Variants in EYA1 observed in about 807,000 individuals in gnomAD.
EYA1 encodes the protein EYA transcriptional coactivator and phosphatase 1, also known as protein phosphatase EYA1.
Under a neutral mutation model 82.0 loss-of-function variants are expected in EYA1, and 16 were observed. The ratio of observed to expected loss-of-function variants is 0.20; its 90% CI spans 0.13 to 0.30. EYA1 has a LOEUF of 0.30. Among genes scored for constraint, EYA1 ranks in the 10% least tolerant of loss-of-function variants. EYA1 has a pLI of 1.00. For missense variants in EYA1, 633 were observed against 730.7 expected (o/e 0.87, Z 1.54); for synonymous variants, 261 against 264.4 (o/e 0.99, Z 0.12).
At chr8:71,495,032 T>C (rs1811311578) in intron 2 of EYA1, among the ~76,000 whole-genome samples, 1 of 151,782 alleles carries the variant, frequency 6.6e-6, no homozygotes, top group African/African-American at 2.4e-5. Flanking sequence ...TTGCAAAACA[T>C]ACTCAGGCAA....
intron 1 of EYA1, among the ~76,000 whole-genome samples, chr8:71,545,816 TC>T (rs1011288459): frequency 1.3e-5 from 2 of 152,052 alleles, no homozygotes; most frequent in Admixed American, 1.3e-4. Flanking sequence ...CACCTCCACC[TC>T]CCAAAGTGAT....
At chr8:71,502,759 G>A (rs1313515058) in intron 2 of EYA1, among the ~76,000 whole-genome samples, 1 of 152,156 alleles carries the variant, frequency 6.6e-6, no homozygotes, top group African/African-American at 2.4e-5. Context: ...TAACAGCCTT[G>A]ACTACCACCC....
intron 12 of EYA1, among the ~76,000 whole-genome samples, chr8:71,227,861 G>A (rs538945989): frequency 1.3e-5 from 2 of 152,232 alleles, no homozygotes; most frequent in South Asian, 4.1e-4. Flanking sequence ...AGGGGTGAGA[G>A]TGGGGTTGAA....
intron 4 of EYA1, among the ~76,000 whole-genome samples, chr8:71,332,365 C>A (rs915459447): frequency 6.6e-6 from 1 of 152,116 alleles, no homozygotes. Context: ...AGTCAACATG[C>A]CCAAAACTGA....
intron 2 of EYA1, among the ~76,000 whole-genome samples, chr8:71,454,234 A>G (rs947444354): frequency 3.9e-5 from 6 of 152,222 alleles, no homozygotes; most frequent in African/African-American, 1.4e-4. Flanking sequence ...TGCTAAATAT[A>G]TATGCACTCA....
rs117055527 is a variant in EYA1, at chr8:71,250,337, G to A, written c.1051-5645C>T. On this transcript the variant is annotated intron_variant, in intron 11 of 17. Coordinates refer to ENST00000340726, the MANE Select transcript of EYA1 (RefSeq NM_000503.6). ...ATCTGTCCACACAGGTTCATGAACC[G>A]TGGTCTCAGATGGAGCCTGTACACT... 2.8e-3 allele frequency among the ~76,000 whole-genome samples: 427 copies of A among 152,282 alleles called. 10 individuals carry two copies. In the East Asian group the frequency reaches 0.05, roughly 18 times the overall value.
intron 12 of EYA1, among the ~76,000 whole-genome samples, chr8:71,218,830 G>A (rs558601853): frequency 2.0e-5 from 3 of 151,982 alleles, no homozygotes; most frequent in African/African-American, 4.8e-5. Flanking sequence ...CGTTGGGGGT[G>A]GGGGGAGAGG....
At position 71,269,972 on chromosome 8, in the gene EYA1, G is replaced by A. The variant is rs1305768080; in HGVS notation, c.967-149C>T. 3 of 692,888 alleles carry A rather than the reference G, an allele frequency of 4.3e-6. No individual in the cohort carries two copies. In the African/African-American group the frequency reaches 5.3e-5, roughly 12 times the overall value. The allele number at this position is 692,888 out of a possible 1,614,324, so 42.9% of individuals were successfully genotyped here. A position where few individuals can be genotyped will look rare whatever the true frequency, so the allele number is the denominator to read the frequency against. On this transcript the variant is annotated intron_variant, in intron 10 of 17. Coordinates refer to ENST00000340726, the MANE Select transcript of EYA1 (RefSeq NM_000503.6). ...TCAAAAAAAACACAACTGTTTCAAA[G>A]AGTATCTCCTAACTTTTCTCCAGAT...
At chr8:71,248,411 C>T (rs1462795216) in intron 11 of EYA1, among the ~76,000 whole-genome samples, 1 of 152,236 alleles carries the variant, frequency 6.6e-6, no homozygotes, top group Non-Finnish European at 1.5e-5. Flanking sequence ...TATGTGCACA[C>T]ACACAGCTGA....
chr8:71,477,811 T>A (rs1809789026), intron 2 of EYA1, among the ~76,000 whole-genome samples: 1 of 152,202 alleles, frequency 6.6e-6, no homozygotes. Context: ...GCATTATTCA[T>A]AATAGCCAAA....
chr8:71,249,884 T>C (rs1192412056), intron 11 of EYA1, among the ~76,000 whole-genome samples: 2 of 152,196 alleles, frequency 1.3e-5, no homozygotes, highest in African/African-American at 4.8e-5. Flanking sequence ...ACTGTATTCA[T>C]TCTTTAGAGG....
At chr8:71,379,765 T>A (rs1334055528) in intron 2 of EYA1, among the ~76,000 whole-genome samples, 1 of 152,178 alleles carries the variant, frequency 6.6e-6, no homozygotes, top group East Asian at 1.9e-4. Context: ...AGATTTTAGG[T>A]GAAGTTCAAA....
At chr8:71,390,670 C>A (rs1227859056) in intron 2 of EYA1, among the ~76,000 whole-genome samples, 4 of 152,080 alleles carry the variant, frequency 2.6e-5, no homozygotes, top group Non-Finnish European at 2.9e-5. Flanking sequence ...AGGAATTATT[C>A]TTTCTCTGAC....
chr8:71,309,510 T>G (rs1821103760), intron 7 of EYA1, among the ~76,000 whole-genome samples: 1 of 152,230 alleles, frequency 6.6e-6, no homozygotes, highest in Non-Finnish European at 1.5e-5. Flanking sequence ...AAAGTACAAA[T>G]CTCAAATGCT....
intron 11 of EYA1, among the ~76,000 whole-genome samples, chr8:71,247,739 T>C (rs1410862924): frequency 2.0e-5 from 3 of 152,136 alleles, no homozygotes; most frequent in Non-Finnish European, 4.4e-5. Context: ...AATGCTCAAA[T>C]AGACCCTACA....
At chr8:71,372,565 A>T (rs1030723088) in intron 2 of EYA1, among the ~76,000 whole-genome samples, 1 of 152,114 alleles carries the variant, frequency 6.6e-6, no homozygotes, top group African/African-American at 2.4e-5. Flanking sequence ...ATGGAAAAGG[A>T]AATTCTAGAA....
At chr8:71,364,809 C>T (rs1276241845), upstream of EYA1, among the ~76,000 whole-genome samples, 2 of 151,096 alleles carry the variant, frequency 1.3e-5, no homozygotes, top group African/African-American at 4.9e-5. Context: ...GCTGTATCAC[C>T]AAACAGGTTT....
chr8:71,363,145 G>GA (rs149731545), upstream of EYA1, among the ~76,000 whole-genome samples: 30 of 149,236 alleles, frequency 2.0e-4, no homozygotes, highest in Middle Eastern at 3.5e-3. Flanking sequence ...TTTATTTAAG[G>GA]AAAAAAAAAG....
chr8:71,349,255 C>A (rs1826068251), intron 3 of EYA1, among the ~76,000 whole-genome samples: 1 of 152,204 alleles, frequency 6.6e-6, no homozygotes, highest in African/African-American at 2.4e-5. Flanking sequence ...ATAATGAAGT[C>A]CTTGTCATCA....
Sources: allele counts gnomAD v4.1 joint callset (sites outside exome capture counted in the v4.1 genomes callset), GRCh38; gene constraint gnomAD v4.1.1; transcripts MANE v1.5; gene names NCBI Gene and HGNC (gene_info 2026-07-23, HGNC 2026-07-21).